IGF1R: variants seen among roughly 807,000 people sequenced by gnomAD.
IGF1R encodes insulin-like growth factor 1 receptor.
Under a neutral mutation model 144.6 loss-of-function variants are expected in IGF1R, and 44 were observed. The observed-to-expected ratio is 0.30, with a 90% confidence interval of 0.24 to 0.39. The LOEUF (loss-of-function observed/expected upper bound fraction) is 0.39, where lower values mean the gene tolerates loss of function less well. IGF1R is among the 10% of genes least tolerant of loss of function. The probability of loss-of-function intolerance (pLI) is 1.00; values close to 1 mark genes in which losing one functional copy is unlikely to be tolerated. For missense variants in IGF1R, 1,355 were observed against 1,833.7 expected (o/e 0.74, Z 4.77); for synonymous variants, 795 against 722.8 (o/e 1.10, Z -1.60).
At chr15:98,804,283 G>A (rs1049258426) in intron 2 of IGF1R, among the ~76,000 whole-genome samples, 1 of 152,150 alleles carries the variant, frequency 6.6e-6, no homozygotes, top group Non-Finnish European at 1.5e-5. Context: ...TTGCTTTTAT[G>A]TAGTTTTAGA....
chr15:98,787,765 ATCCTC>A (rs2056032303), intron 2 of IGF1R, among the ~76,000 whole-genome samples: 1 of 152,242 alleles, frequency 6.6e-6, no homozygotes, highest in South Asian at 2.1e-4. Context: ...AACAAATAGT[ATCCTC>A]AACTCAGAAG....
chr15:98,735,236 T>G lies in IGF1R; in HGVS notation c.640+27129T>G, dbSNP rs148299345. On this transcript the variant is annotated intron_variant, in intron 2 of 20. Coordinates refer to ENST00000650285, the MANE Select transcript of IGF1R (RefSeq NM_000875.5). ...TGTGTGAAGTACCTTGACTTTCATTTCCCAGGGAAGAAAGCCCGTTTCAAT... is the reference window on the plus strand; with the variant it reads ...TGTGTGAAGTACCTTGACTTTCATTGCCCAGGGAAGAAAGCCCGTTTCAAT... Among the ~76,000 whole-genome samples, 131 of 152,306 alleles carry G rather than the reference T, an allele frequency of 8.6e-4. 1 individual carries two copies. Among genetic ancestry groups the G allele is most frequent in the African/African-American group, 3.0e-3 (124 of 41,562 alleles).
chr15:98,682,788 C>G (rs1332524198), intron 1 of IGF1R, among the ~76,000 whole-genome samples: 1 of 152,022 alleles, frequency 6.6e-6, no homozygotes, highest in Non-Finnish European at 1.5e-5. Flanking sequence ...TTAGGTGATC[C>G]ACCCGCCTCT....
intron 2 of IGF1R, among the ~76,000 whole-genome samples, chr15:98,795,261 T>C (rs913780575): frequency 1.3e-5 from 2 of 152,242 alleles, no homozygotes; most frequent in Non-Finnish European, 2.9e-5. Context: ...AATTGTATAC[T>C]ACATTAATTT....
intron 19 of IGF1R, among the ~76,000 whole-genome samples, chr15:98,944,154 T>A (rs1299017057): frequency 6.6e-6 from 1 of 152,190 alleles, no homozygotes; most frequent in Non-Finnish European, 1.5e-5. Context: ...CTAGGCTTCG[T>A]GCCTCCAGGA....
chr15:98,880,341 CCTT>C (rs1419260017), intron 2 of IGF1R, among the ~76,000 whole-genome samples: 1 of 152,178 alleles, frequency 6.6e-6, no homozygotes, highest in East Asian at 1.9e-4. Flanking sequence ...TAACTTTCCT[CCTT>C]CTGGTTTCTT....
At chr15:98,709,169 T>C (rs556256104) in intron 2 of IGF1R, among the ~76,000 whole-genome samples, 6 of 152,316 alleles carry the variant, frequency 3.9e-5, no homozygotes, top group Admixed American at 2.0e-4. Context: ...TCTCTAGTTA[T>C]GAAGAACCAA....
At chr15:98,765,757 A>G (rs1343535759) in intron 2 of IGF1R, among the ~76,000 whole-genome samples, 1 of 152,222 alleles carries the variant, frequency 6.6e-6, no homozygotes, top group Non-Finnish European at 1.5e-5. Context: ...CATTCTTTGC[A>G]GTACCCTAGG....
intron 2 of IGF1R, among the ~76,000 whole-genome samples, chr15:98,721,790 A>G (rs2054252998): frequency 6.6e-6 from 1 of 152,192 alleles, no homozygotes. Context: ...ACTAAATAAC[A>G]GTAGAGTGTG....
At chr15:98,733,854 T>C (rs2054552272) in intron 2 of IGF1R, among the ~76,000 whole-genome samples, 1 of 152,134 alleles carries the variant, frequency 6.6e-6, no homozygotes, top group South Asian at 2.1e-4. Context: ...CCCCTAATCA[T>C]CTCTTCCATC....
At chr15:98,667,339 C>T (rs913421255) in intron 1 of IGF1R, among the ~76,000 whole-genome samples, 2 of 152,088 alleles carry the variant, frequency 1.3e-5, no homozygotes, top group Middle Eastern at 3.2e-3. Context: ...GTTTTGACAG[C>T]TCAATTTTTT....
At chr15:98,658,594 C>T (rs1399875770) in intron 1 of IGF1R, among the ~76,000 whole-genome samples, 1 of 152,188 alleles carries the variant, frequency 6.6e-6, no homozygotes, top group African/African-American at 2.4e-5. Flanking sequence ...CAAAAGGCAG[C>T]ACGCTAAGTC....
rs556811975 is a variant in IGF1R at position 98,951,184 on chromosome 15, G to C, written c.3722+2476G>C. Among the ~76,000 whole-genome samples, 49 of 152,336 alleles carry C rather than the reference G, an allele frequency of 3.2e-4. 1 individual carries two copies. In the Middle Eastern group the frequency reaches 0.01, roughly 32 times the overall value. ...TCACCCTTGCACAGCTAGCACATGT[G>C]GGGGCTCCCATTGTCCCATCAAGGC... On this transcript the variant is annotated intron_variant, in intron 20 of 20. Coordinates refer to ENST00000650285, the MANE Select transcript of IGF1R (RefSeq NM_000875.5).
At chr15:98,809,708 A>G (rs1364584204) in intron 2 of IGF1R, among the ~76,000 whole-genome samples, 4 of 152,204 alleles carry the variant, frequency 2.6e-5, no homozygotes, top group Admixed American at 2.6e-4. Context: ...TCCAACGTAA[A>G]GTGCTGCACA....
intron 2 of IGF1R, among the ~76,000 whole-genome samples, chr15:98,842,622 A>G (rs748091196): frequency 6.6e-6 from 1 of 152,242 alleles, no homozygotes; most frequent in Non-Finnish European, 1.5e-5. Context: ...CAAAATCAGA[A>G]CCATCAGTCG....
intron 13 of IGF1R, 127 bp downstream of exon 13, chr15:98,924,811 G>T: frequency 1.1e-6 from 1 of 890,980 alleles, no homozygotes; most frequent in East Asian, 2.6e-5. Flanking sequence ...TTCCAGAAGG[G>T]TCATGCTAAG....
At chr15:98,952,252 G>A (rs373641283) in intron 20 of IGF1R, among the ~76,000 whole-genome samples, 1 of 151,396 alleles carries the variant, frequency 6.6e-6, no homozygotes, top group African/African-American at 2.4e-5. Flanking sequence ...AGGACACAGG[G>A]GAGAGGACCA....
chr15:98,805,420 G>A (rs1404931763), intron 2 of IGF1R, among the ~76,000 whole-genome samples: 2 of 152,276 alleles, frequency 1.3e-5, no homozygotes, highest in Admixed American at 6.5e-5. Context: ...GGGCAGAGCA[G>A]CAAGACCAGA....
chr15:98,872,820 C>T (rs1316284212), intron 2 of IGF1R, among the ~76,000 whole-genome samples: 2 of 151,516 alleles, frequency 1.3e-5, no homozygotes, highest in Admixed American at 1.3e-4. Context: ...AAATTTTAAA[C>T]ATTGACTTTC....
Sources: allele counts gnomAD v4.1 joint callset (sites outside exome capture counted in the v4.1 genomes callset), GRCh38; gene constraint gnomAD v4.1.1; transcripts MANE v1.5; gene names NCBI Gene and HGNC (gene_info 2026-07-23, HGNC 2026-07-21).